The following SLC25A24 variants were observed in gnomAD, a reference collection of about 807,000 sequenced individuals.
The protein encoded by SLC25A24 is mitochondrial adenyl nucleotide antiporter SLC25A24.
In SLC25A24, 49 loss-of-function variants were observed where a neutral mutation model predicts 60.7. The observed-to-expected ratio is 0.81, with a 90% CI of 0.64 to 1.02. The LOEUF (loss-of-function observed/expected upper bound fraction) is 1.02. Ranked by LOEUF, SLC25A24 falls within the 50% of genes least tolerant of loss-of-function variation. The pLI, the probability that SLC25A24 is intolerant of heterozygous loss-of-function variation, is 0.00. For synonymous variants in SLC25A24, 202 were observed against 200.6 expected (o/e 1.01, Z -0.06); for missense variants, 564 against 586.3 (o/e 0.96, Z 0.39).
At chr1:108,143,053 T>C (rs1049044431) in intron 8 of SLC25A24, among the ~76,000 whole-genome samples, 21 of 152,304 alleles carry the variant, frequency 1.4e-4, no homozygotes, top group African/African-American at 4.6e-4. Flanking sequence ...AAGGCACACA[T>C]TGAGTCCTTT....
intron 3 of SLC25A24, among the ~76,000 whole-genome samples, chr1:108,167,429 T>C (rs1647227022): frequency 6.6e-6 from 1 of 152,204 alleles, no homozygotes; most frequent in South Asian, 2.1e-4. Context: ...ACTGCTGTGC[T>C]AGCAATCAGC....
chr1:108,187,927 G>GATAGATAT, intron 1 of SLC25A24, among the ~76,000 whole-genome samples: 52 of 95,744 alleles, frequency 5.4e-4, no homozygotes, highest in Non-Finnish European at 8.3e-4. Flanking sequence ...AGACATTATA[G>GATAGATAT]ATATATATAT....
At position 108,148,675 on chromosome 1, in the gene SLC25A24, C is replaced by T. The variant is rs372182772; in HGVS notation, c.823-289G>A. On this transcript the variant is annotated intron_variant, in intron 6 of 9. Transcript: ENST00000565488. ...CTGTCTACAAGCTGAGAAGAGAACG[C>T]TCACTAGAAATCAAACTGGCTTGGC... is the stretch of plus-strand genomic sequence containing the variant. Among the ~76,000 whole-genome samples, 6 of 152,302 alleles carry T rather than the reference C, an allele frequency of 3.9e-5. No individual in the cohort carries two copies. In the East Asian group the frequency reaches 1.2e-3, roughly 29 times the overall value.
At chr1:108,158,845 CAA>C (rs1219277367) in intron 4 of SLC25A24, among the ~76,000 whole-genome samples, 2 of 151,396 alleles carry the variant, frequency 1.3e-5, no homozygotes, top group Admixed American at 6.6e-5. Context: ...ACTAAAAATA[CAA>C]AAAAAATTAG....
chr1:108,200,298 C>A lies in SLC25A24; in HGVS notation c.-160G>T, dbSNP rs1302445988. 5.6e-6 allele frequency: 3 copies of A among 535,962 alleles called. No homozygotes were observed. Among genetic ancestry groups the A allele is most frequent in the Non-Finnish European group, 5.5e-6 (2 of 362,888 alleles). The allele number at this position is 535,962 out of a possible 1,614,324, so 33.2% of individuals were successfully genotyped here. On this transcript the variant is annotated 5_prime_UTR_variant, in exon 1 of 10. Transcript: ENST00000565488. ...CGGCTGCGGCGCGCAGGGCGCAGGG[C>A]GCAGGAGCGGAGACCCCACCCGAGC...
chr1:108,182,668 A>G (rs963396545), intron 2 of SLC25A24, among the ~76,000 whole-genome samples: 6 of 152,028 alleles, frequency 3.9e-5, no homozygotes, highest in African/African-American at 7.2e-5. Context: ...CCCCGTCTCT[A>G]CTAAAAATAG....
chr1:108,185,904 T>G lies in SLC25A24; in HGVS notation c.234A>C (p.Glu78Asp), dbSNP rs767354896. The G allele has an allele frequency of 4.1e-5, 66 of 1,598,626 alleles. No individual in the cohort carries two copies. The highest frequency in any genetic ancestry group is 5.5e-5 in the Non-Finnish European group (64 of 1,169,582). Residue 78 changes from glutamate to aspartate, a missense_variant, in exon 2 of 10, where the codon GAA becomes GAC. Coordinates refer to ENST00000565488, the MANE Select transcript of SLC25A24 (RefSeq NM_013386.5). ...GGTCTTTAAGGTACTTCATAAATTC[T>G]TCAAAATCCAGCTTCCCATCTTTGT... ...DVNKDGKLDF[E>D]EFMKYLKDHE...
At chr1:108,189,865 T>A (rs1490073742) in intron 1 of SLC25A24, among the ~76,000 whole-genome samples, 34 of 145,646 alleles carry the variant, frequency 2.3e-4, no homozygotes, top group African/African-American at 8.2e-4. Flanking sequence ...AAAAAAAAAT[T>A]AAAAAATATA....
intron 3 of SLC25A24, among the ~76,000 whole-genome samples, chr1:108,166,609 T>C (rs2101624206): frequency 6.6e-6 from 1 of 152,330 alleles, no homozygotes; most frequent in East Asian, 1.9e-4. Flanking sequence ...TTCTGCATTC[T>C]TCATGTAGTT....
intron 4 of SLC25A24, among the ~76,000 whole-genome samples, chr1:108,159,571 T>C (rs1476877822): frequency 6.7e-6 from 1 of 149,098 alleles, no homozygotes; most frequent in Non-Finnish European, 1.5e-5. Flanking sequence ...GATAAACAAG[T>C]GAACAAAGGT....
At chr1:108,157,294 C>T (rs1679927767) in intron 5 of SLC25A24, among the ~76,000 whole-genome samples, 168 bp downstream of exon 5, 1 of 152,170 alleles carries the variant, frequency 6.6e-6, no homozygotes, top group South Asian at 2.1e-4. Flanking sequence ...GGTACACTGC[C>T]ATACTTACAT....
At chr1:108,174,193 C>T (rs570561790) in intron 3 of SLC25A24, among the ~76,000 whole-genome samples, 15 of 152,334 alleles carry the variant, frequency 9.8e-5, no homozygotes, top group African/African-American at 3.6e-4. Flanking sequence ...ATCATAGGCC[C>T]AGAGGCCCAG....
chr1:108,168,110 T>C (rs1647272636), intron 3 of SLC25A24, among the ~76,000 whole-genome samples: 1 of 152,218 alleles, frequency 6.6e-6, no homozygotes, highest in South Asian at 2.1e-4. Context: ...ATAATTAGTA[T>C]GAAAATGATG....
intron 3 of SLC25A24, among the ~76,000 whole-genome samples, chr1:108,171,252 G>T (rs1297057989): frequency 6.6e-6 from 1 of 151,566 alleles, no homozygotes; most frequent in African/African-American, 2.4e-5. Context: ...AAAGTCTAAA[G>T]TTAATGTCTG....
At chr1:108,148,416 A>G (rs1679665823) in intron 6 of SLC25A24, 30 bp from the exon 7 acceptor site, 1 of 1,247,042 alleles carries the variant, frequency 8.0e-7, no homozygotes, top group Non-Finnish European at 1.2e-6. Context: ...AATGCACATT[A>G]CTACCTGCTG....
In SLC25A24 at chr1:108,199,980, G is replaced by A. The variant is rs1207240784; in HGVS notation, c.159C>T (p.Ile53=). ...CCTCCTCGGCGTCCTGGCCCAGAGG[G>A]ATGCCCAGGTTCCTGAGCCCCTCCT... ...ELQEGLRNLG[I]PLGQDAEEKI... The change falls in exon 1 of 10, where the codon ATC becomes ATT. Residue 53 remains isoleucine, a synonymous_variant. Coordinates refer to ENST00000565488, the MANE Select transcript of SLC25A24 (RefSeq NM_013386.5). 1.9e-6 allele frequency: 3 copies of A among 1,610,454 alleles called. No individual in the cohort carries two copies. Among genetic ancestry groups the A allele is most frequent in the East Asian group, 2.2e-5 (1 of 44,780 alleles).
intron 7 of SLC25A24, among the ~76,000 whole-genome samples, chr1:108,145,357 T>C (rs979273482): frequency 6.6e-6 from 1 of 152,194 alleles, no homozygotes; most frequent in African/African-American, 2.4e-5. Flanking sequence ...TCCCATTCTG[T>C]AGGTTGCCGG....
chr1:108,139,864 G>A lies in SLC25A24; in HGVS notation c.1099-656C>T, dbSNP rs377165399. On this transcript the variant is annotated intron_variant, in intron 8 of 9. Transcript: ENST00000565488. ...TGACCTCAGGTGATCCGCCCGCCTC[G>A]GCCTCCCAAAGTGCTGAGATTATAG... is the stretch of plus-strand genomic sequence containing the variant. 3.8e-4 allele frequency among the ~76,000 whole-genome samples: 58 copies of A among 152,068 alleles called. No homozygotes were observed. In the South Asian group the frequency reaches 6.7e-3, roughly 17 times the overall value.
chr1:108,136,837 G>A lies in SLC25A24; in HGVS notation c.1250C>T (p.Ala417Val), dbSNP rs1381842740. The change falls in exon 10 of 10, where the codon GCC (alanine) becomes GTC (valine). Residue 417 changes from alanine to valine, a missense_variant and splice_region_variant. Physicochemically the swap from Ala to Val is moderately conservative, Grantham distance 64. Coordinates refer to ENST00000565488, the MANE Select transcript of SLC25A24 (RefSeq NM_013386.5). ...ALVRTRMQAQ[A>V]MLEGSPQLNM... ...CAGCTGTGGGGAACCTTCTAACATGGCTAAAAAATAAAAAAAGAGGGTAAT... is the reference window on the plus strand; with the variant it reads ...CAGCTGTGGGGAACCTTCTAACATGACTAAAAAATAAAAAAAGAGGGTAAT... The A allele has an allele frequency of 1.2e-6, 2 of 1,608,372 alleles. No homozygotes were observed. Among genetic ancestry groups the A allele is most frequent in the Admixed American group, 1.7e-5 (1 of 58,690 alleles).
Sources: allele counts gnomAD v4.1 joint callset (sites outside exome capture counted in the v4.1 genomes callset), GRCh38; gene constraint gnomAD v4.1.1; transcripts MANE v1.5; gene names NCBI Gene and HGNC (gene_info 2026-07-23, HGNC 2026-07-21).